The following CCDC73 variants were observed in gnomAD, a reference collection of about 807,000 sequenced individuals.
CCDC73 encodes the protein coiled-coil domain-containing protein 73.
CCDC73 carries 95 observed loss-of-function variants against 116.5 expected under a neutral mutation model. That is an observed-to-expected ratio of 0.82 (90% CI 0.69 to 0.97). CCDC73 has a LOEUF of 0.97. Among genes scored for constraint, CCDC73 ranks in the 50% least tolerant of loss-of-function variants. The pLI is 0.00. For synonymous variants in CCDC73, 398 were observed against 401.3 expected (o/e 0.99, Z 0.10); for missense variants, 1,066 against 1,206.8 (o/e 0.88, Z 1.73).
chr11:32,815,925 G>T, the CCDC73 span, among the ~76,000 whole-genome samples: 2 of 152,290 alleles, frequency 1.3e-5, no homozygotes, highest in South Asian at 2.1e-4. Flanking sequence ...CTTCTGGAGT[G>T]GGGTAAGGAA....
intron 6 of CCDC73, 109 bp downstream of exon 6, chr11:32,699,142 A>G: frequency 1.6e-6 from 2 of 1,215,116 alleles, no homozygotes. Context: ...AATATATTAG[A>G]TATAAACTTT....
intron 6 of CCDC73, among the ~76,000 whole-genome samples, chr11:32,688,335 C>T (rs1382655233): frequency 6.6e-6 from 1 of 152,102 alleles, no homozygotes; most frequent in Non-Finnish European, 1.5e-5. Flanking sequence ...CAAACAGAAA[C>T]TGAGGAACGT....
the CCDC73 span, among the ~76,000 whole-genome samples, chr11:32,819,257 G>A: frequency 1.3e-5 from 2 of 150,892 alleles, no homozygotes; most frequent in African/African-American, 2.4e-5. Flanking sequence ...TCATGATTAC[G>A]ATTTCCATAC....
chr11:32,661,794 A>G (rs1288336539), intron 9 of CCDC73, among the ~76,000 whole-genome samples: 2 of 150,512 alleles, frequency 1.3e-5, no homozygotes, highest in Admixed American at 6.7e-5. Flanking sequence ...TTAACTCGTC[A>G]TTTAGCATTA....
chr11:32,630,972 T>C (rs1376280998), intron 14 of CCDC73, among the ~76,000 whole-genome samples: 1 of 152,208 alleles, frequency 6.6e-6, no homozygotes, highest in Non-Finnish European at 1.5e-5. Context: ...ATTACTAGGA[T>C]AAATATGGAT....
At chr11:32,680,511 A>G (rs537151943) in intron 7 of CCDC73, 9 of 152,262 alleles carry the variant, frequency 5.9e-5, no homozygotes, top group Non-Finnish European at 1.0e-4. Context: ...AGATTAGCGG[A>G]AAAATAGCAT....
chr11:32,714,393 A>C lies in CCDC73; in HGVS notation c.207+3683T>G, dbSNP rs115544103. Among the ~76,000 whole-genome samples the C allele has an allele frequency of 7.2e-3, 1,090 of 152,232 alleles. 17 individuals are homozygous for C. Among genetic ancestry groups the C allele is most frequent in the African/African-American group, 0.025 (1,051 of 41,564 alleles). Reference sequence around the variant, plus strand: ...CAGACAAATGTGGCAAAACACTCCAAGGGACTAATGTAATCTGTTTCAGAG... The same window carrying C: ...CAGACAAATGTGGCAAAACACTCCACGGGACTAATGTAATCTGTTTCAGAG... On this transcript the variant is annotated intron_variant, in intron 3 of 17. Coordinates refer to ENST00000335185, the MANE Select transcript of CCDC73 (RefSeq NM_001008391.4).
intron 2 of CCDC73, among the ~76,000 whole-genome samples, chr11:32,729,634 C>T (rs976207803): frequency 6.6e-6 from 1 of 152,216 alleles, no homozygotes; most frequent in Non-Finnish European, 1.5e-5. Flanking sequence ...CTAATTTACA[C>T]TCCCACAAAC....
In CCDC73 at chr11:32,642,087, A is replaced by C. The variant is rs369747237; in HGVS notation, c.940-5T>G. On this transcript the variant is annotated splice_region_variant and splice_polypyrimidine_tract_variant and intron_variant, in intron 12 of 17. Coordinates refer to ENST00000335185, the MANE Select transcript of CCDC73 (RefSeq NM_001008391.4). ...CTCATTATCTCTTTCAAGGGTCTGC[A>C]ATAAAATTAATTATCCAAAAAATAA... is the stretch of plus-strand genomic sequence containing the variant. The C allele has an allele frequency of 1.2e-5, 19 of 1,520,588 alleles. No homozygotes were observed. In the African/African-American group the frequency reaches 1.7e-4, roughly 14 times the overall value. The allele number at this position is 1,520,588 out of a possible 1,614,324, so 94.2% of individuals were successfully genotyped here.
chr11:32,726,866 A>T (rs189815721), intron 2 of CCDC73, among the ~76,000 whole-genome samples: 102 of 152,216 alleles, frequency 6.7e-4, no homozygotes, highest in African/African-American at 1.9e-3. Flanking sequence ...AAGAAATTAT[A>T]AAAAAATTAC....
intron 4 of CCDC73, among the ~76,000 whole-genome samples, 166 bp from the exon 5 acceptor site, chr11:32,700,992 G>A (rs1290535835): frequency 2.0e-5 from 3 of 151,822 alleles, no homozygotes; most frequent in Non-Finnish European, 4.4e-5. Context: ...GATATAAAAC[G>A]AGAAAAAAGC....
At chr11:32,752,937 G>A (rs1172471408) in intron 2 of CCDC73, among the ~76,000 whole-genome samples, 1 of 152,102 alleles carries the variant, frequency 6.6e-6, no homozygotes, top group Non-Finnish European at 1.5e-5. Context: ...TGCCCAGGTA[G>A]CTAGGACTAT....
intron 3 of CCDC73, 37 bp from the exon 4 acceptor site, chr11:32,702,981 C>CTAGCAACTCTCTTTCAGCTTTA (rs764728655): frequency 2.3e-6 from 3 of 1,302,738 alleles, no homozygotes; most frequent in Non-Finnish European, 3.3e-6. Context: ...AACACAAATT[C>CTAGCAACTCTCTTTCAGCTTTA]TAGCAACTCT....
chr11:32,734,268 G>A (rs970544965), intron 2 of CCDC73, among the ~76,000 whole-genome samples: 9 of 152,004 alleles, frequency 5.9e-5, no homozygotes, highest in African/African-American at 1.9e-4. Flanking sequence ...CTGAAATTGC[G>A]GTAATAATTA....
the CCDC73 span, among the ~76,000 whole-genome samples, chr11:32,805,136 G>C: frequency 1.3e-5 from 2 of 152,196 alleles, no homozygotes; most frequent in Admixed American, 6.5e-5. Context: ...AGGCTGAGTA[G>C]AGTGAGTTTC....
chr11:32,668,220 G>C (rs1856005580), intron 9 of CCDC73, among the ~76,000 whole-genome samples: 1 of 152,128 alleles, frequency 6.6e-6, no homozygotes, highest in South Asian at 2.1e-4. Context: ...GTAAAATAAA[G>C]TACTCTCAAG....
chr11:32,756,523 T>C (rs1440186769), intron 2 of CCDC73, among the ~76,000 whole-genome samples: 5 of 149,078 alleles, frequency 3.4e-5, no homozygotes, highest in Admixed American at 6.8e-5. Context: ...CAACATCAAG[T>C]CCAAGATAAT....
At chr11:32,727,595 CGTT>C (rs1436079988) in intron 2 of CCDC73, among the ~76,000 whole-genome samples, 6 of 151,762 alleles carry the variant, frequency 4.0e-5, no homozygotes, top group Non-Finnish European at 8.8e-5. Context: ...TTTTTTGAGA[CGTT>C]GTCTCGCTCT....
At chr11:32,629,418 CTT>C (rs35714596) in intron 14 of CCDC73, among the ~76,000 whole-genome samples, 126 of 142,468 alleles carry the variant, frequency 8.8e-4, no homozygotes, top group Admixed American at 1.7e-3. Context: ...TATAAAGACA[CTT>C]TTTTTTTTTT....
Sources: allele counts gnomAD v4.1 joint callset (sites outside exome capture counted in the v4.1 genomes callset), GRCh38; gene constraint gnomAD v4.1.1; transcripts MANE v1.5; gene names NCBI Gene and HGNC (gene_info 2026-07-23, HGNC 2026-07-21).